The following FXR2 variants were observed in gnomAD, a reference collection of about 807,000 sequenced individuals.
FXR2 encodes the protein FMR1 autosomal homolog 2.
In FXR2, 9 loss-of-function variants were observed where a neutral mutation model predicts 87.3. The observed-to-expected ratio is 0.10, with a 90% confidence interval of 0.06 to 0.18. The LOEUF (loss-of-function observed/expected upper bound fraction) is 0.18. Among genes scored for constraint, FXR2 ranks in the 10% least tolerant of loss-of-function variants. FXR2 has a pLI of 1.00. For missense variants in FXR2, 661 were observed against 893.6 expected (o/e 0.74, Z 3.32); for synonymous variants, 331 against 328.3 (o/e 1.01, Z -0.09).
chr17:7,606,238 T>C (rs1345100855), intron 1 of FXR2, 89 bp from the exon 2 acceptor site: 3 of 843,544 alleles, frequency 3.6e-6, no homozygotes, highest in Non-Finnish European at 5.7e-6. Flanking sequence ...CCACAAAACC[T>C]TAAACTTGAG....
At chr17:7,596,220 C>T (rs1319125807) in intron 7 of FXR2, 7 of 416,694 alleles carry the variant, frequency 1.7e-5, no homozygotes, top group South Asian at 3.2e-5. Flanking sequence ...TGCAGTGGCG[C>T]GATCTCAGCT....
chr17:7,609,998 A>ATGTAT (rs1225417109), intron 1 of FXR2, among the ~76,000 whole-genome samples: 1 of 133,544 alleles, frequency 7.5e-6, no homozygotes, highest in Admixed American at 7.8e-5. Context: ...ATACATGTAT[A>ATGTAT]TGTATACATA....
rs778561364 is a variant in FXR2, at chr17:7,592,905, GA to G, written c.1529-12del. 10 of 1,558,342 alleles carry G rather than the reference GA, an allele frequency of 6.4e-6. No individual in the cohort carries two copies. The African/African-American group carries it at 1.2e-4, about 19-fold the overall frequency. On this transcript the variant is annotated splice_polypyrimidine_tract_variant and intron_variant, in intron 13 of 16. Coordinates refer to ENST00000250113, the MANE Select transcript of FXR2 (RefSeq NM_004860.4). This position sits in a 1 kb window ranked among gnomAD's most constrained non-coding sequence, Gnocchi z 4.8. ...CTGGATCCTTCAGCACTGGTCAGAG[GA>G]AGAAGAGGAGGAGTTGGCAGTCAGG...
chr17:7,592,543 T>G lies in FXR2; in HGVS notation c.1786A>C (p.Asn596His). The change falls in exon 15 of 17, where the codon AAT becomes CAT. Residue 596 changes from asparagine (N) to histidine (H), a missense_variant. This residue lies in a region of FXR2 where 409 missense variants were observed against 432.0 expected (regional missense o/e 0.95). Coordinates refer to ENST00000250113, the MANE Select transcript of FXR2 (RefSeq NM_004860.4). This position sits in a 1 kb window ranked among gnomAD's most constrained non-coding sequence, Gnocchi z 4.8. The stretch of plus-strand genomic sequence containing the variant: ...CCACTGATAGAGCCATCAGTCCGAT[T>G]ACCACGGTTACGGCGGCGGCGGCTG... ...NRSRRRRNRG[N>H]RTDGSISGDR... is the part of the protein sequence containing the mutation. 1 of 1,613,992 alleles carries G rather than the reference T, an allele frequency of 6.2e-7. No homozygotes were observed. Among genetic ancestry groups the G allele is most frequent in the Non-Finnish European group, 8.5e-7 (1 of 1,179,868 alleles).
At chr17:7,600,963 T>G (rs966732821) in intron 7 of FXR2, among the ~76,000 whole-genome samples, 1 of 151,798 alleles carries the variant, frequency 6.6e-6, no homozygotes, top group African/African-American at 2.4e-5. Context: ...GTGGATCACA[T>G]GAGGCCAGGA....
intron 3 of FXR2, 124 bp from the exon 4 acceptor site, chr17:7,604,204 A>T: frequency 1.4e-6 from 1 of 716,740 alleles, no homozygotes; most frequent in Non-Finnish European, 2.5e-6. Context: ...GGCTGAGGCA[A>T]AAGGACTGCT....
rs777681208 is a variant in FXR2, at chr17:7,603,782, C to T, written c.424G>A (p.Ala142Thr). The T allele has an allele frequency of 4.3e-6, 7 of 1,613,892 alleles. No individual in the cohort carries two copies. The East Asian group carries it at 1.6e-4, about 36-fold the overall frequency. The change falls in exon 5 of 17, where the codon GCT becomes ACT. Residue 142 changes from alanine to threonine, a missense_variant. This residue lies in a region of FXR2 where 170 missense variants were observed against 247.2 expected (regional missense o/e 0.69). Coordinates refer to ENST00000250113, the MANE Select transcript of FXR2 (RefSeq NM_004860.4). ...GCTTCTCTCAGATCCTCGGGCACAG[C>T]CATGGTAACCTTGAAGAAGCTGCCT... is the stretch of plus-strand genomic sequence containing the variant. ...TKGSFFKVTMAVPEDLREACS... is the reference protein window; with the variant it reads ...TKGSFFKVTMTVPEDLREACS...
rs1344296315 is a variant in FXR2, at chr17:7,593,373, C to G, written c.1330+30G>C. ...GCCTCTACCCACAAGCCCTGCCACT[C>G]CTTGCCTCCTGTTCCCATAACTGTC... On this transcript the variant is annotated intron_variant, in intron 12 of 16. Transcript: ENST00000250113. The surrounding 1 kb of genome is among the most constrained non-coding windows in gnomAD (Gnocchi z 6.1). 1.3e-6 allele frequency: 2 copies of G among 1,504,196 alleles called. No homozygotes were observed. Among genetic ancestry groups the G allele is most frequent in the Non-Finnish European group, 1.8e-6 (2 of 1,104,530 alleles). The allele number at this position is 1,504,196 out of a possible 1,614,324, so 93.2% of individuals were successfully genotyped here. A position where few individuals can be genotyped will look rare whatever the true frequency, so the allele number is the denominator to read the frequency against.
At chr17:7,613,894 C>T (rs1397319891) in intron 1 of FXR2, 1 of 370,332 alleles carries the variant, frequency 2.7e-6, no homozygotes, top group South Asian at 2.0e-5. Flanking sequence ...GTCAAAGATG[C>T]CAAACGTCGT....
intron 1 of FXR2, among the ~76,000 whole-genome samples, chr17:7,607,052 C>T (rs573703600): frequency 1.3e-5 from 2 of 152,306 alleles, no homozygotes; most frequent in African/African-American, 4.8e-5. Flanking sequence ...GGCACAGTGG[C>T]TCACGCCTAT....
chr17:7,603,757 G>C lies in FXR2; in HGVS notation c.449C>G (p.Ala150Gly). The C allele has an allele frequency of 1.2e-6, 2 of 1,613,642 alleles. No individual in the cohort carries two copies. Among genetic ancestry groups the C allele is most frequent in the Non-Finnish European group, 1.7e-6 (2 of 1,179,676 alleles). ...CATTCCCACCATCCTTAACACTCAC[G>C]CTTCTCTCAGATCCTCGGGCACAGC... ...TMAVPEDLRE[A>G]CSNENVHKEF... Residue 150 changes from alanine to glycine, a missense_variant and splice_region_variant, in exon 5 of 17, where the codon GCC (alanine) becomes GGC (glycine). Ala to Gly is a moderately conservative substitution (Grantham distance 60). Coordinates refer to ENST00000250113, the MANE Select transcript of FXR2 (RefSeq NM_004860.4).
chr17:7,608,158 G>C (rs930952833), intron 1 of FXR2, among the ~76,000 whole-genome samples: 1 of 151,566 alleles, frequency 6.6e-6, no homozygotes, highest in African/African-American at 2.4e-5. Flanking sequence ...GTTTCGCTAT[G>C]TTGCCCAGGC....
intron 1 of FXR2, among the ~76,000 whole-genome samples, chr17:7,608,019 G>A (rs549960605): frequency 2.6e-5 from 4 of 151,958 alleles, no homozygotes; most frequent in African/African-American, 4.8e-5. Flanking sequence ...TCAAACTCCC[G>A]ACCTCTGGTG....
chr17:7,594,205 C>G lies in FXR2; in HGVS notation c.1020+33G>C, dbSNP rs764084783. ...GACAATCCCATTTACTTCTGGAAAC[C>G]AATCTCTATGCCCACTTGCCCCGTA... On this transcript the variant is annotated intron_variant, in intron 10 of 16. Coordinates refer to ENST00000250113, the MANE Select transcript of FXR2 (RefSeq NM_004860.4). This position sits in a 1 kb window ranked among gnomAD's most constrained non-coding sequence, Gnocchi z 5.1. The G allele has an allele frequency of 1.6e-6, 2 of 1,274,728 alleles. No individual in the cohort carries two copies. Among genetic ancestry groups the G allele is most frequent in the Admixed American group, 1.7e-5 (1 of 58,010 alleles). 79.0% of individuals were successfully genotyped at this position (1,274,728 alleles called of 1,614,324 possible).
chr17:7,604,550 G>A (rs1439193147), intron 3 of FXR2, among the ~76,000 whole-genome samples: 1 of 151,566 alleles, frequency 6.6e-6, no homozygotes, highest in Non-Finnish European at 1.5e-5. Flanking sequence ...AAATTAGCCG[G>A]GTGTGGTGCC....
chr17:7,592,533 T>G lies in FXR2; in HGVS notation c.1796A>C (p.Asp599Ala), dbSNP rs777728725. 6.2e-7 allele frequency: 1 copy of G among 1,613,812 alleles called. No homozygotes were observed. Among genetic ancestry groups the G allele is most frequent in the Non-Finnish European group, 8.5e-7 (1 of 1,179,852 alleles). ...RRRRNRGNRT[D>A]GSISGDRQPV... ...CTGGCGGTCTCCACTGATAGAGCCA[T>G]CAGTCCGATTACCACGGTTACGGCG... Residue 599 changes from aspartate (D) to alanine (A), a missense_variant, in exon 15 of 17, where the codon GAT becomes GCT. Physicochemically the swap from Asp to Ala is moderately radical, Grantham distance 126 (BLOSUM62 -2). This residue lies in a region of FXR2 where 409 missense variants were observed against 432.0 expected (regional missense o/e 0.95). Transcript: ENST00000250113. The surrounding 1 kb of genome is among the most constrained non-coding windows in gnomAD (Gnocchi z 4.8).
chr17:7,614,864 G>A lies in FXR2; in HGVS notation c.-332C>T. On this transcript the variant is annotated 5_prime_UTR_variant, in exon 1 of 17. Transcript: ENST00000250113. ...CCGCTGCTGCCGCTGCCGCTCCACAGCCTCCACCTCCCCCTGCCACCGCCG... is the reference window on the plus strand; with the variant it reads ...CCGCTGCTGCCGCTGCCGCTCCACAACCTCCACCTCCCCCTGCCACCGCCG... 6.3e-6 allele frequency: 1 copy of A among 159,374 alleles called. No individual in the cohort carries two copies. The highest frequency in any genetic ancestry group is 1.4e-5 in the Non-Finnish European group (1 of 72,588). The allele number at this position is 159,374 out of a possible 1,614,324, so 9.9% of individuals were successfully genotyped here.
At chr17:7,605,960 C>G (rs2071799937) in intron 2 of FXR2, 137 bp downstream of exon 2, 3 of 680,120 alleles carry the variant, frequency 4.4e-6, no homozygotes, top group Non-Finnish European at 7.7e-6. Flanking sequence ...CTTTCCTCTC[C>G]TGGGATCCAT....
At position 7,599,686 on chromosome 17, in the gene FXR2, G is replaced by A. The variant is rs550477823; in HGVS notation, c.660+1723C>T. ...GAGGTCCATAGTTTGAGATCAGCCT[G>A]GCCAACATGGTGAAACCCCATCTCT... On this transcript the variant is annotated intron_variant, in intron 7 of 16. Coordinates refer to ENST00000250113, the MANE Select transcript of FXR2 (RefSeq NM_004860.4). Among the ~76,000 whole-genome samples, 13 of 152,036 alleles carry A rather than the reference G, an allele frequency of 8.6e-5. 1 individual carries two copies. Among genetic ancestry groups the A allele is most frequent in the Admixed American group, 7.9e-4 (12 of 15,270 alleles).
Sources: gnomAD v4.1 joint callset for allele counts (sites outside exome capture counted in the v4.1 genomes callset) on GRCh38, gnomAD v4.1.1 for gene constraint, gnomAD v4.1.1 regional missense constraint, Gnocchi (gnomAD v3.1) non-coding constraint, MANE v1.5 for transcripts, NCBI Gene and HGNC (gene_info 2026-07-23, HGNC 2026-07-21) for gene names.